Variants in SLC9B1 observed in about 807,000 individuals in gnomAD.
SLC9B1 encodes solute carrier family 9 member B1.
In SLC9B1, 32 loss-of-function variants were observed where a neutral mutation model predicts 51.7. The observed-to-expected ratio is 0.62, with a 90% CI of 0.47 to 0.83. The LOEUF is 0.83. SLC9B1 is among the 40% of genes least tolerant of loss of function. SLC9B1 has a pLI of 0.00. For synonymous variants in SLC9B1, 145 were observed against 212.7 expected, an observed-to-expected ratio of 0.68 and a Z score of 2.77; for missense variants, 406 against 613.2, an observed-to-expected ratio of 0.66 and a Z score of 3.57.
intron 6 of SLC9B1, among the ~76,000 whole-genome samples, chr4:102,938,204 A>T (rs553308836): frequency 6.6e-6 from 1 of 152,312 alleles, no homozygotes; most frequent in African/African-American, 2.4e-5. Context: ...ATGCAAAACA[A>T]AAAAGGGTAA....
intron 3 of SLC9B1, among the ~76,000 whole-genome samples, chr4:102,977,195 A>C (rs902036796): frequency 4.6e-5 from 7 of 151,576 alleles, no homozygotes; most frequent in African/African-American, 1.5e-4. Flanking sequence ...AGTGGAATTG[A>C]TAGGGCTTAT....
intron 7 of SLC9B1, among the ~76,000 whole-genome samples, chr4:102,923,651 T>C (rs1466553570): frequency 6.7e-6 from 1 of 149,032 alleles, no homozygotes; most frequent in Non-Finnish European, 1.5e-5. Context: ...CATTATTGTA[T>C]ATTTAGAAAA....
At chr4:102,898,621 A>G (rs1734647544), downstream of SLC9B1, among the ~76,000 whole-genome samples, 1 of 152,278 alleles carries the variant, frequency 6.6e-6, no homozygotes, top group Non-Finnish European at 1.5e-5. Context: ...TGAGCAAGGA[A>G]AGGTAATTTG....
chr4:102,997,893 T>C (rs981513417), intron 1 of SLC9B1, among the ~76,000 whole-genome samples: 2 of 152,200 alleles, frequency 1.3e-5, no homozygotes, highest in African/African-American at 4.8e-5. Context: ...CTGGCTCCCA[T>C]AGTTTCTGTT....
chr4:102,918,468 A>G (rs922950791), intron 7 of SLC9B1, among the ~76,000 whole-genome samples: 10 of 152,202 alleles, frequency 6.6e-5, no homozygotes, highest in African/African-American at 2.4e-4. Context: ...CAGAACAACA[A>G]CTCAATAACA....
chr4:102,980,039 C>T (rs548203083), intron 3 of SLC9B1, among the ~76,000 whole-genome samples: 2 of 152,264 alleles, frequency 1.3e-5, no homozygotes, highest in South Asian at 4.1e-4. Flanking sequence ...ATCAAAACCA[C>T]AATGATTTAC....
chr4:103,012,053 G>C (rs1305524668), intron 1 of SLC9B1, among the ~76,000 whole-genome samples: 1 of 152,112 alleles, frequency 6.6e-6, no homozygotes. Flanking sequence ...TTACAACCTG[G>C]TTAGGCTGAA....
chr4:102,975,337 T>TG (rs1301568599), intron 3 of SLC9B1, among the ~76,000 whole-genome samples: 2 of 151,942 alleles, frequency 1.3e-5, no homozygotes, highest in African/African-American at 4.8e-5. Flanking sequence ...TCACCCCATG[T>TG]TTGGAGAATT....
At position 102,905,233 on chromosome 4, in the gene SLC9B1, A is replaced by ATTTATTTATTTATTTATTTG. The variant is rs569004930; in HGVS notation, c.1332+280_1332+281insCAAATAAATAAATAAATAAA. Among the ~76,000 whole-genome samples the ATTTATTTATTTATTTATTTG allele has an allele frequency of 3.6e-3, 531 of 149,572 alleles. 3 individuals are homozygous for ATTTATTTATTTATTTATTTG. Among genetic ancestry groups the ATTTATTTATTTATTTATTTG allele is most frequent in the African/African-American group, 0.013 (509 of 39,748 alleles). Reference sequence around the variant, plus strand: ...TGTTTATTTATTTATTTATTTATTTATTTTTTTGAGATGGAGTCACTCTGT... The same window carrying ATTTATTTATTTATTTATTTG: ...TGTTTATTTATTTATTTATTTATTTATTTATTTATTTATTTATTTGTTTTTTTGAGATGGAGTCACTCTGT... On this transcript the variant is annotated intron_variant, in intron 11 of 11. Transcript: ENST00000296422.
rs913305494 is a variant in SLC9B1 at position 102,976,565 on chromosome 4, G to A, written c.211+13235C>T. ...TTAATTTAATAAAAAAGACAGAAAT[G>A]TTGTACAAATTAAAATGGCATAAGT... is the stretch of plus-strand genomic sequence containing the variant. On this transcript the variant is annotated intron_variant, in intron 3 of 11. Transcript: ENST00000296422. Among the ~76,000 whole-genome samples the A allele has an allele frequency of 3.3e-5, 5 of 152,150 alleles. No individual in the cohort carries two copies. The South Asian group carries it at 1.0e-3, about 31-fold the overall frequency.
At chr4:102,959,382 C>T (rs1201268943) in intron 3 of SLC9B1, among the ~76,000 whole-genome samples, 1 of 152,012 alleles carries the variant, frequency 6.6e-6, no homozygotes. Context: ...TTATCTCCTG[C>T]CAACATAAAT....
chr4:102,924,259 T>C (rs1425100590), intron 7 of SLC9B1, among the ~76,000 whole-genome samples: 1 of 152,090 alleles, frequency 6.6e-6, no homozygotes, highest in African/African-American at 2.4e-5. Flanking sequence ...ACGACACATC[T>C]ACAACCATCT....
chr4:103,016,202 CTA>C (rs1741326479), intron 1 of SLC9B1, among the ~76,000 whole-genome samples: 1 of 146,412 alleles, frequency 6.8e-6, no homozygotes. Flanking sequence ...GCCAATACTT[CTA>C]TATATTCCCT....
In SLC9B1 at chr4:102,989,883, G is replaced by A; in HGVS notation, c.128C>T (p.Thr43Ile). ...TTTTGTCTGTGGTTTTATTTCTTCT[G>A]TATCTGATAAGACAGTTTTAGTTTC... is the stretch of plus-strand genomic sequence containing the variant. ...QEETKTVLSD[T>I]EEIKPQTKKE... Residue 43 changes from threonine (T) to isoleucine (I), a missense_variant, in exon 3 of 12, where the codon ACA becomes ATA. Transcript: ENST00000296422. 1 of 1,598,650 alleles carries A rather than the reference G, an allele frequency of 6.3e-7. No homozygotes were observed. The highest frequency in any genetic ancestry group is 8.6e-7 in the Non-Finnish European group (1 of 1,168,770).
chr4:102,971,003 C>T (rs1315700150), intron 3 of SLC9B1, among the ~76,000 whole-genome samples: 2 of 152,060 alleles, frequency 1.3e-5, no homozygotes, highest in East Asian at 1.9e-4. Context: ...CCTTAGAGAC[C>T]TACAAAGAGA....
chr4:102,991,267 C>A lies in SLC9B1; in HGVS notation c.69+376G>T, dbSNP rs1333425036. On this transcript the variant is annotated intron_variant, in intron 2 of 11. Transcript: ENST00000296422. The stretch of plus-strand genomic sequence containing the variant: ...AGGTCTAACGACTTGCTCTATATAT[C>A]TATAAAAATAAAAAACTTGGGTCTC... Among the ~76,000 whole-genome samples the A allele has an allele frequency of 5.9e-5, 9 of 151,944 alleles. 1 individual carries two copies. Among genetic ancestry groups the A allele is most frequent in the Non-Finnish European group, 1.3e-4 (9 of 67,906 alleles).
At chr4:102,941,479 A>T (rs1232007319) in intron 6 of SLC9B1, 1 of 455,836 alleles carries the variant, frequency 2.2e-6, no homozygotes, top group African/African-American at 2.0e-5. Context: ...CTATTATCAA[A>T]AAGTCAAAAA....
intron 3 of SLC9B1, among the ~76,000 whole-genome samples, chr4:102,960,978 C>T (rs960125840): frequency 2.0e-5 from 3 of 151,828 alleles, no homozygotes; most frequent in African/African-American, 7.3e-5. Flanking sequence ...GTGATCCGCC[C>T]GCCTCAGCCT....
intron 1 of SLC9B1, among the ~76,000 whole-genome samples, chr4:103,005,276 A>C (rs1578415374): frequency 7.4e-6 from 1 of 134,756 alleles, no homozygotes; most frequent in Non-Finnish European, 1.6e-5. Flanking sequence ...AAAAAAAAAA[A>C]ACCAGAAAAA....
Sources: gnomAD v4.1 joint callset for allele counts (sites outside exome capture counted in the v4.1 genomes callset) on GRCh38, gnomAD v4.1.1 for gene constraint, MANE v1.5 for transcripts, NCBI Gene and HGNC (gene_info 2026-07-23, HGNC 2026-07-21) for gene names.